LRIG3: variants seen among roughly 807,000 people sequenced by gnomAD.
LRIG3 encodes the protein leucine-rich repeats and immunoglobulin-like domains protein 3.
Under a neutral mutation model 114.5 loss-of-function variants are expected in LRIG3, and 76 were observed. The observed-to-expected ratio is 0.66, with a 90% CI of 0.55 to 0.80. The LOEUF (loss-of-function observed/expected upper bound fraction) is 0.80. Among genes scored for constraint, LRIG3 ranks in the 30% least tolerant of loss-of-function variants. LRIG3 has a pLI of 0.00. For missense variants in LRIG3, 1,239 were observed against 1,382.8 expected, an observed-to-expected ratio of 0.90 and a Z score of 1.65; for synonymous variants, 512 against 519.8, an observed-to-expected ratio of 0.98 and a Z score of 0.20.
chr12:58,914,047 G>A lies in LRIG3; in HGVS notation c.318C>T (p.Asn106=), dbSNP rs774310301. 38 of 1,605,316 alleles carry A rather than the reference G, an allele frequency of 2.4e-5. No individual in the cohort carries two copies. The highest frequency in any genetic ancestry group is 3.1e-5 in the Non-Finnish European group (37 of 1,178,062). ...TTGGAATGGTCTCCAATTCATTGTT[G>A]TTCAGTTTCCTACAAATGCCAAAAA... ...HLQSLREVKL[N]NNELETIPNL... Residue 106 remains asparagine, a synonymous_variant, in exon 3 of 19, where the codon AAC becomes AAT. Coordinates refer to ENST00000320743, the MANE Select transcript of LRIG3 (RefSeq NM_153377.5).
chr12:58,887,020 TAGA>T (rs1359000122), intron 8 of LRIG3, 130 bp from the exon 9 acceptor site: 1 of 620,834 alleles, frequency 1.6e-6, no homozygotes, highest in African/African-American at 1.9e-5. Flanking sequence ...CTCAAAATAA[TAGA>T]AAACTCTTTT....
chr12:58,904,901 T>TA (rs1872002575), intron 3 of LRIG3, among the ~76,000 whole-genome samples: 1 of 151,912 alleles, frequency 6.6e-6, no homozygotes, highest in Non-Finnish European at 1.5e-5. Flanking sequence ...AATAGATGAG[T>TA]AAAAAATACA....
At chr12:58,875,965 T>A (rs1333886509) in intron 16 of LRIG3, among the ~76,000 whole-genome samples, 1 of 152,180 alleles carries the variant, frequency 6.6e-6, no homozygotes, top group East Asian at 1.9e-4. Context: ...GGCAGGAGAA[T>A]CGTTTGAACC....
intron 3 of LRIG3, among the ~76,000 whole-genome samples, chr12:58,893,382 T>G (rs1164331909): frequency 6.6e-6 from 1 of 152,196 alleles, no homozygotes; most frequent in Non-Finnish European, 1.5e-5. Flanking sequence ...AGCTGAACTT[T>G]ATGATAATAG....
intron 1 of LRIG3, 136 bp downstream of exon 1, chr12:58,919,864 C>G (rs1166050989): frequency 4.3e-6 from 4 of 937,370 alleles, no homozygotes; most frequent in Non-Finnish European, 6.4e-6. Flanking sequence ...GCCCACGGAG[C>G]GCCGATCGCG....
chr12:58,891,201 A>G (rs1871445995), intron 3 of LRIG3, among the ~76,000 whole-genome samples: 1 of 152,026 alleles, frequency 6.6e-6, no homozygotes, highest in Admixed American at 6.6e-5. Flanking sequence ...CTGCAGCTCA[A>G]ACTCCTGGGC....
chr12:58,913,949 C>T, intron 3 of LRIG3, 33 bp downstream of exon 3: 1 of 1,567,904 alleles, frequency 6.4e-7, no homozygotes, highest in Non-Finnish European at 8.7e-7. Flanking sequence ...TTCCTGCAAA[C>T]ATACATGAGG....
intron 3 of LRIG3, chr12:58,913,392 T>G (rs1419218703): frequency 6.6e-6 from 1 of 152,210 alleles, no homozygotes; most frequent in Non-Finnish European, 1.5e-5. Context: ...ACACTAAAAA[T>G]ACAGAAAACT....
rs140080436 is a variant in LRIG3, at chr12:58,878,939, G to A, written c.1968C>T (p.Pro656=). ...AARERRMHVM[P]EDDVFFIVDV... ...CCACGATAAAGAACACGTCATCCTC[G>A]GGCATCACATGCATGCGTCTCTCCC... The change falls in exon 14 of 19, where the codon CCC becomes CCT. Residue 656 remains proline, a synonymous_variant. Transcript: ENST00000320743. 1,474 of 1,614,084 alleles carry A rather than the reference G, an allele frequency of 9.1e-4. 3 individuals carry two copies. Among genetic ancestry groups the A allele is most frequent in the Middle Eastern group, 4.8e-3 (29 of 6,062 alleles).
At chr12:58,878,773 T>C (rs1052299416) in intron 14 of LRIG3, 51 bp downstream of exon 14, 9 of 1,561,084 alleles carry the variant, frequency 5.8e-6, no homozygotes, top group South Asian at 4.8e-5. Flanking sequence ...TTGGATGAGC[T>C]AGTATCTTCA....
intron 3 of LRIG3, among the ~76,000 whole-genome samples, chr12:58,903,886 C>T (rs1871963180): frequency 1.3e-5 from 2 of 151,862 alleles, no homozygotes; most frequent in African/African-American, 4.8e-5. Context: ...AGATATGCGG[C>T]GTTATTTCTG....
intron 3 of LRIG3, among the ~76,000 whole-genome samples, chr12:58,892,892 T>C (rs17121690): frequency 0.025 from 3,860 of 152,344 alleles, 126 homozygotes; most frequent in East Asian, 0.098. Flanking sequence ...GTATGAAAGA[T>C]ATTCTGGCAT....
intron 3 of LRIG3, among the ~76,000 whole-genome samples, chr12:58,894,748 A>T (rs1871581732): frequency 6.6e-6 from 1 of 152,212 alleles, no homozygotes; most frequent in Admixed American, 6.5e-5. Flanking sequence ...TCCATTACTT[A>T]ATGTGGAAAC....
At position 58,874,130 on chromosome 12, in the gene LRIG3, A is replaced by T. The variant is rs752445106; in HGVS notation, c.3040T>A (p.Cys1014Ser). ...HNEGPGMKNL[C>S]LNKSSLDFSA... The stretch of plus-strand genomic sequence containing the variant: ...AAATCTAAAGAGGACTTGTTTAGAC[A>T]CAGATTTTTCATTCCAGGTCCTTCA... The change falls in exon 18 of 19, where the codon TGT becomes AGT. Residue 1014 changes from cysteine to serine, a missense_variant. Physicochemically the swap from Cys to Ser is moderately radical, Grantham distance 112 (BLOSUM62 -1). Coordinates refer to ENST00000320743, the MANE Select transcript of LRIG3 (RefSeq NM_153377.5). 4.3e-6 allele frequency: 7 copies of T among 1,614,104 alleles called. No homozygotes were observed. In the Admixed American group the frequency reaches 1.0e-4, roughly 23 times the overall value.
intron 12 of LRIG3, among the ~76,000 whole-genome samples, chr12:58,881,522 C>T (rs377313524): frequency 2.0e-5 from 3 of 152,044 alleles, no homozygotes; most frequent in Admixed American, 1.3e-4. Flanking sequence ...CCAATCGTGC[C>T]GCCGCGCTGC....
chr12:58,894,367 T>C (rs1388880944), intron 3 of LRIG3, among the ~76,000 whole-genome samples: 2 of 152,186 alleles, frequency 1.3e-5, no homozygotes, highest in African/African-American at 2.4e-5. Flanking sequence ...TCGTTTCTTA[T>C]TAGCTCTCAG....
chr12:58,884,152 C>A (rs982328737), intron 10 of LRIG3, among the ~76,000 whole-genome samples: 3 of 152,182 alleles, frequency 2.0e-5, no homozygotes, highest in Non-Finnish European at 4.4e-5. Flanking sequence ...TAACCATTAA[C>A]CTAATTCTGT....
At chr12:58,913,812 G>A (rs1872371540) in intron 3 of LRIG3, 170 bp downstream of exon 3, 2 of 572,878 alleles carry the variant, frequency 3.5e-6, no homozygotes, top group African/African-American at 3.8e-5. Context: ...TTAGCAGTGA[G>A]AGAGTTAGAG....
chr12:58,914,341 A>G lies in LRIG3; in HGVS notation c.237-5T>C. The G allele has an allele frequency of 6.2e-7, 1 of 1,607,410 alleles. No individual in the cohort carries two copies. The highest frequency in any genetic ancestry group is 8.5e-7 in the Non-Finnish European group (1 of 1,175,116). On this transcript the variant is annotated splice_polypyrimidine_tract_variant and splice_region_variant and intron_variant, in intron 1 of 18. Transcript: ENST00000320743. Reference sequence around the variant, plus strand: ...AATCTGTTGTGACTTAAGTCCCTATAAGAAAACAAAAATAAAATTATAAGT... The same window carrying G: ...AATCTGTTGTGACTTAAGTCCCTATGAGAAAACAAAAATAAAATTATAAGT...
Sources: allele counts gnomAD v4.1 joint callset (sites outside exome capture counted in the v4.1 genomes callset), GRCh38; gene constraint gnomAD v4.1.1; transcripts MANE v1.5; gene names NCBI Gene and HGNC (gene_info 2026-07-23, HGNC 2026-07-21).